Variants in ALG13 observed in about 807,000 individuals in gnomAD.
ALG13 encodes ALG13 UDP-N-acetylglucosaminyltransferase subunit.
In ALG13, 11 loss-of-function variants were observed where a neutral mutation model predicts 87.8. That is an observed-to-expected ratio of 0.13 (90% CI 0.08 to 0.21). The LOEUF is 0.21. ALG13 is among the 10% of genes least tolerant of loss of function. The pLI is 1.00. For synonymous variants in ALG13, 320 were observed against 306.3 expected (o/e 1.04, Z -0.47); for missense variants, 756 against 866.1 (o/e 0.87, Z 1.60).
intron 3 of ALG13, among the ~76,000 whole-genome samples, chrX:111,690,706 G>A (rs991492509): frequency 1.8e-5 from 2 of 109,763 alleles, no homozygotes; most frequent in African/African-American, 3.3e-5. Flanking sequence ...CGCCCGCCTC[G>A]GCCTCCCAAA....
chrX:111,738,848 A>G (rs924972099), intron 23 of ALG13, among the ~76,000 whole-genome samples: 1 of 105,721 alleles, frequency 9.5e-6, no homozygotes, highest in East Asian at 2.9e-4. Flanking sequence ...TAAACTTTAG[A>G]AAAAAAAAAA....
Position 111,697,632 on chromosome X carries a change from T to G in ALG13, c.384-10395T>G, listed in dbSNP as rs1039128068. ...GTATTAAATACCTTGAAGTGGCTTT[T>G]TATTATATGCAAGACAAAGTCTAGA... On this transcript the variant is annotated intron_variant, in intron 3 of 26. Transcript: ENST00000394780. Among the ~76,000 whole-genome samples, 3 of 112,255 alleles carry G rather than the reference T, an allele frequency of 2.7e-5. No individual in the cohort carries two copies. The Admixed American group carries it at 2.8e-4, about 11-fold the overall frequency.
Position 111,682,300 on chromosome X carries a change from G to A in ALG13, c.244+6G>A. On this transcript the variant is annotated splice_donor_region_variant and intron_variant, in intron 2 of 26. Transcript: ENST00000394780. ...TCTTGTTATTAGTCACGCAGGTAAA[G>A]GTGCCTAAGAATCTCAGGGTTGGGT... The A allele has an allele frequency of 8.7e-7, 1 of 1,154,488 alleles. No individual in the cohort carries two copies. The highest frequency in any genetic ancestry group is 1.2e-6 in the Non-Finnish European group (1 of 866,566).
chrX:111,689,225 C>T (rs1935680633), intron 3 of ALG13: 2 of 747,770 alleles, frequency 2.7e-6, no homozygotes, highest in African/African-American at 2.3e-5. Flanking sequence ...GAATTCACAG[C>T]ACCATAATCA....
chrX:111,754,747 A>G (rs1461459649), intron 25 of ALG13, among the ~76,000 whole-genome samples: 2 of 111,892 alleles, frequency 1.8e-5, no homozygotes, highest in Non-Finnish European at 3.8e-5. Flanking sequence ...AAGGAGAACT[A>G]CAAATCACTG....
At chrX:111,754,246 A>G (rs1399926362) in intron 25 of ALG13, among the ~76,000 whole-genome samples, 1 of 111,771 alleles carries the variant, frequency 8.9e-6, no homozygotes, top group African/African-American at 3.3e-5. Context: ...AAAACTCTCT[A>G]TAAACTAGGT....
chrX:111,730,930 C>A (rs1442249877), intron 21 of ALG13, among the ~76,000 whole-genome samples: 1 of 112,203 alleles, frequency 8.9e-6, no homozygotes, highest in African/African-American at 3.2e-5. Flanking sequence ...GATGGAAATT[C>A]ATCCACAATT....
chrX:111,689,311 C>T (rs1464728567), intron 3 of ALG13: 1 of 750,621 alleles, frequency 1.3e-6, no homozygotes, highest in African/African-American at 2.3e-5. Context: ...GTTTTCTGGG[C>T]CCTCATAAAT....
At chrX:111,752,690 A>G (rs779236039) in intron 24 of ALG13, 100 bp from the exon 25 acceptor site, 2 of 553,129 alleles carry the variant, frequency 3.6e-6, no homozygotes, top group South Asian at 5.7e-5. Context: ...TGCTGGGATT[A>G]CAGGCATGAG....
At chrX:111,690,659 G>T (rs1020594724) in intron 3 of ALG13, among the ~76,000 whole-genome samples, 2 of 103,555 alleles carry the variant, frequency 1.9e-5, no homozygotes, top group Non-Finnish European at 4.0e-5. Flanking sequence ...TCACCGTGTT[G>T]CCCAGGCTGG....
intron 14 of ALG13, 126 bp from the exon 15 acceptor site, chrX:111,724,808 C>A: frequency 1.4e-6 from 1 of 707,882 alleles, no homozygotes; most frequent in Non-Finnish European, 2.1e-6. Context: ...AAAAATTAAA[C>A]AAGGAAACTG....
At chrX:111,704,764 A>G (rs777952222) in intron 3 of ALG13, among the ~76,000 whole-genome samples, 15 of 111,720 alleles carry the variant, frequency 1.3e-4, no homozygotes, top group Non-Finnish European at 2.6e-4. Flanking sequence ...GATTATGGTG[A>G]TGGATGCACA....
At chrX:111,712,868 T>C (rs780714575) in intron 7 of ALG13, among the ~76,000 whole-genome samples, 2 of 111,425 alleles carry the variant, frequency 1.8e-5, no homozygotes, top group Non-Finnish European at 3.8e-5. Context: ...CTGAAATGCC[T>C]ATTTTCTAGC....
chrX:111,681,808 G>A (rs925625592), intron 1 of ALG13: 7 of 847,289 alleles, frequency 8.3e-6, no homozygotes, highest in Non-Finnish European at 1.0e-5. Context: ...CAGGGCTCCC[G>A]GTTCTCGCAG....
chrX:111,748,412 T>C (rs1167226583), intron 24 of ALG13, among the ~76,000 whole-genome samples: 1 of 112,299 alleles, frequency 8.9e-6, no homozygotes, highest in African/African-American at 3.2e-5. Context: ...GTTTTATGTT[T>C]TGCATTTTAC....
chrX:111,735,586 G>A (rs1178095156), intron 22 of ALG13, among the ~76,000 whole-genome samples: 1 of 111,331 alleles, frequency 9.0e-6, no homozygotes, highest in Non-Finnish European at 1.9e-5. Flanking sequence ...GGCAGAGAAG[G>A]ACCATCCAAG....
Position 111,759,781 on chromosome X carries a change from T to C in ALG13, c.3196T>C (p.Tyr1066His). Residue 1066 changes from tyrosine (Y) to histidine (H), a missense_variant, in exon 27 of 27, where the codon TAT becomes CAT. Tyr to His is a moderately conservative substitution (Grantham distance 83, BLOSUM62 2). This residue lies in a region of ALG13 where 110 missense variants were observed against 104.9 expected (regional missense o/e 1.05). Coordinates refer to ENST00000394780, the MANE Select transcript of ALG13 (RefSeq NM_001099922.3). ...TTCATCTGTCCCTCATGGAGCAGTCTATTATCCAGTAATGTCAGATCCCTA... is the reference window on the plus strand; with the variant it reads ...TTCATCTGTCCCTCATGGAGCAGTCCATTATCCAGTAATGTCAGATCCCTA... ...DSSSVPHGAV[Y>H]YPVMSDPYGQ... 8.3e-7 allele frequency: 1 copy of C among 1,208,893 alleles called. No individual in the cohort carries two copies. The highest frequency in any genetic ancestry group is 1.1e-6 in the Non-Finnish European group (1 of 893,593).
At chrX:111,689,149 C>T (rs1935670665) in intron 3 of ALG13, 1 of 682,006 alleles carries the variant, frequency 1.5e-6, no homozygotes, top group Admixed American at 8.9e-5. Flanking sequence ...CTCTGGGTAG[C>T]AGGAGGAAGC....
chrX:111,760,600 C>G lies in ALG13; in HGVS notation c.*601C>G, dbSNP rs1945647087. The G allele has an allele frequency of 8.9e-6, 1 of 112,557 alleles. No individual in the cohort carries two copies. Among genetic ancestry groups the G allele is most frequent in the Non-Finnish European group, 1.9e-5 (1 of 53,281 alleles). The allele number at this position is 112,557 out of a possible 1,213,427, so 9.3% of individuals were successfully genotyped here. Reference sequence around the variant, plus strand: ...TTACTGCACTGTATTGAATTGGTGTCTTTTGCACAGTTAGCAGTAAATAAA... The same window carrying G: ...TTACTGCACTGTATTGAATTGGTGTGTTTTGCACAGTTAGCAGTAAATAAA... On this transcript the variant is annotated 3_prime_UTR_variant, in exon 27 of 27. Coordinates refer to ENST00000394780, the MANE Select transcript of ALG13 (RefSeq NM_001099922.3).
Sources: allele counts gnomAD v4.1 joint callset (sites outside exome capture counted in the v4.1 genomes callset), GRCh38; gene constraint gnomAD v4.1.1; regional missense constraint gnomAD v4.1.1; transcripts MANE v1.5; gene names NCBI Gene and HGNC (gene_info 2026-07-23, HGNC 2026-07-21).